The following A4GALT variants were observed in gnomAD, a reference collection of about 807,000 sequenced individuals.
The protein encoded by A4GALT is alpha 1,4-galactosyltransferase (P1PK blood group).
For synonymous variants in A4GALT, 257 were observed against 220.7 expected (o/e 1.16, Z -1.46); for missense variants, 512 against 486.0 (o/e 1.05, Z -0.50).
In A4GALT at chr22:42,693,749, G is replaced by A. The variant is rs138624393; in HGVS notation, c.203C>T (p.Thr68Ile). The change falls in exon 3 of 3, where the codon ACC (threonine) becomes ATC (isoleucine). Residue 68 changes from threonine to isoleucine, a missense_variant. By Grantham distance (89) the Thr-to-Ile change is moderately conservative (BLOSUM62 -1). Coordinates refer to ENST00000642412, the MANE Select transcript of A4GALT (RefSeq NM_017436.7). The part of the protein sequence containing the change: ...EIPCPTLTPP[T>I]PPSHGPTPGN... The stretch of plus-strand genomic sequence containing the variant: ...TGGAGTGGGGCCGTGGGAGGGTGGG[G>A]TGGGGGGTGTCAAGGTGGGGCAGGG... 161 of 1,607,204 alleles carry A rather than the reference G, an allele frequency of 1.0e-4. 1 individual carries two copies. In the South Asian group the frequency reaches 1.3e-3, roughly 13 times the overall value.
Position 42,693,554 on chromosome 22 carries a change from A to G in A4GALT, c.398T>C (p.Leu133Pro). The G allele has an allele frequency of 3.7e-6, 6 of 1,613,578 alleles. No individual in the cohort carries two copies. The highest frequency in any genetic ancestry group is 5.1e-6 in the Non-Finnish European group (6 of 1,180,022). ...CATCTGGACATTCGGGAAGCAGCTCAGAAGTGAGATGCCCAGGTGCCGGGG... is the reference window on the plus strand; with the variant it reads ...CATCTGGACATTCGGGAAGCAGCTCGGAAGTGAGATGCCCAGGTGCCGGGG... ...SLPRHLGISL[L>P]SCFPNVQMLP... Residue 133 changes from leucine (L) to proline (P), a missense_variant, in exon 3 of 3, where the codon CTG (leucine) becomes CCG (proline). By Grantham distance (98) the Leu-to-Pro change is moderately conservative (BLOSUM62 -3). Coordinates refer to ENST00000642412, the MANE Select transcript of A4GALT (RefSeq NM_017436.7).
At chr22:42,700,128 C>T (rs1931201475) in intron 1 of A4GALT, among the ~76,000 whole-genome samples, 1 of 152,190 alleles carries the variant, frequency 6.6e-6, no homozygotes, top group African/African-American at 2.4e-5. Flanking sequence ...CTCCAGGGCT[C>T]AATGGTGGGA....
intron 1 of A4GALT, among the ~76,000 whole-genome samples, chr22:42,704,505 A>G (rs1920958838): frequency 6.6e-6 from 1 of 151,708 alleles, no homozygotes; most frequent in Admixed American, 6.6e-5. Context: ...AAAAAAAATA[A>G]TAAAAAAAAT....
intron 1 of A4GALT, among the ~76,000 whole-genome samples, chr22:42,705,598 CAAA>C (rs68144596): frequency 2.8e-5 from 2 of 72,122 alleles, no homozygotes; most frequent in Admixed American, 1.5e-4. Flanking sequence ...GATTCTGTCT[CAAA>C]AAAAAAAAAA....
chr22:42,698,313 C>T (rs1931078603), intron 1 of A4GALT, among the ~76,000 whole-genome samples: 1 of 152,080 alleles, frequency 6.6e-6, no homozygotes. Flanking sequence ...CTGGGTCAGA[C>T]CCCTACCAGC....
At chr22:42,700,781 C>T (rs538013566) in intron 1 of A4GALT, among the ~76,000 whole-genome samples, 7 of 152,218 alleles carry the variant, frequency 4.6e-5, no homozygotes, top group South Asian at 2.1e-4. Context: ...ATCTCCAGGG[C>T]CCAGCCCACG....
intron 1 of A4GALT, among the ~76,000 whole-genome samples, chr22:42,696,054 C>T (rs567287950): frequency 2.1e-5 from 3 of 139,746 alleles, no homozygotes; most frequent in Non-Finnish European, 3.0e-5. Context: ...ACCAGGGAGG[C>T]GGAGGTTGCA....
intron 2 of A4GALT, chr22:42,694,429 G>A (rs1930771922): frequency 1.0e-5 from 2 of 193,582 alleles, no homozygotes; most frequent in Admixed American, 5.3e-5. Context: ...CCAGGCCTGG[G>A]GTTCGTCTAA....
At chr22:42,715,840 TG>T (rs370188713) in intron 1 of A4GALT, among the ~76,000 whole-genome samples, 831 of 23,182 alleles carry the variant, frequency 0.036, 11 homozygotes, top group East Asian at 0.19. Flanking sequence ...TCTTTTTTTT[TG>T]TTTTTTTTGA....
At chr22:42,711,797 C>G (rs1921720174) in intron 1 of A4GALT, among the ~76,000 whole-genome samples, 1 of 152,030 alleles carries the variant, frequency 6.6e-6, no homozygotes, top group Non-Finnish European at 1.5e-5. Context: ...CCACGCCTGG[C>G]TAATTTTTGT....
In A4GALT at chr22:42,693,176, T is replaced by C. The variant is rs2146948555; in HGVS notation, c.776A>G (p.Lys259Arg). Residue 259 changes from lysine (K) to arginine (R), a missense_variant, in exon 3 of 3, where the codon AAG becomes AGG. Transcript: ENST00000642412. ...QGPQLLTRVF[K>R]KWCSIRSLAE... Reference sequence around the variant, plus strand: ...CAGGCTGCGGATGGAACACCACTTCTTGAAGACCCGCGTGAGCAGCTGCGG... The same window carrying C: ...CAGGCTGCGGATGGAACACCACTTCCTGAAGACCCGCGTGAGCAGCTGCGG... 1.3e-6 allele frequency: 2 copies of C among 1,597,896 alleles called. No homozygotes were observed. Among genetic ancestry groups the C allele is most frequent in the Non-Finnish European group, 1.7e-6 (2 of 1,173,346 alleles).
At position 42,719,525 on chromosome 22, in the gene A4GALT, G is replaced by A. The variant is rs570989132; in HGVS notation, c.-188+1272C>T. 2.8e-4 allele frequency among the ~76,000 whole-genome samples: 42 copies of A among 152,080 alleles called. 5 individuals are homozygous for A. The South Asian group carries it at 8.5e-3, about 31-fold the overall frequency. ...CTTCCTTTCTTTTCCTTTCTATTTT[G>A]TTTTCCTTTGTATTCCTTTGATTTG... On this transcript the variant is annotated intron_variant, in intron 1 of 2. Transcript: ENST00000642412.
At chr22:42,709,921 G>GA (rs1377160225) in intron 1 of A4GALT, among the ~76,000 whole-genome samples, 1 of 152,160 alleles carries the variant, frequency 6.6e-6, no homozygotes, top group Non-Finnish European at 1.5e-5. Context: ...GATCTAAGCA[G>GA]AAAAATCATC....
chr22:42,715,296 AAGATAGG>A (rs1163359662), intron 1 of A4GALT, among the ~76,000 whole-genome samples: 1 of 152,078 alleles, frequency 6.6e-6, no homozygotes, highest in Non-Finnish European at 1.5e-5. Flanking sequence ...AAATGTGGTC[AAGATAGG>A]AAATGTTTTG....
At chr22:42,699,276 G>A (rs186205012) in intron 1 of A4GALT, among the ~76,000 whole-genome samples, 22 of 152,056 alleles carry the variant, frequency 1.4e-4, no homozygotes, top group Non-Finnish European at 2.6e-4. Context: ...GTAGAGATTT[G>A]GTTTCACCAA....
intron 1 of A4GALT, among the ~76,000 whole-genome samples, chr22:42,710,759 C>T (rs11704086): frequency 4.9e-4 from 74 of 151,844 alleles, no homozygotes; most frequent in African/African-American, 1.7e-3. Flanking sequence ...TTGTGGCTGA[C>T]GCCTATAATC....
At chr22:42,703,128 G>GTGTGTT (rs1555887027) in intron 1 of A4GALT, among the ~76,000 whole-genome samples, 4 of 151,728 alleles carry the variant, frequency 2.6e-5, no homozygotes, top group Non-Finnish European at 5.9e-5. Context: ...GTGTGTGTGT[G>GTGTGTT]TGTGTGTGTG....
rs1930715193 is a variant in A4GALT, at chr22:42,693,879, T to G, written c.73A>C (p.Ile25Leu). ...AAAAACGTGAACTTGAAGCCGATGA[T>G]GAACAGGGTGCAGACCCGCTGCCTT... ...APRQRVCTLF[I>L]IGFKFTFFVS... is the part of the protein sequence containing the mutation. The change falls in exon 3 of 3, where the codon ATC becomes CTC. Residue 25 changes from isoleucine (I) to leucine (L), a missense_variant. By Grantham distance (5) the Ile-to-Leu change is conservative. Coordinates refer to ENST00000642412, the MANE Select transcript of A4GALT (RefSeq NM_017436.7). The G allele has an allele frequency of 6.2e-7, 1 of 1,610,440 alleles. No homozygotes were observed. Among genetic ancestry groups the G allele is most frequent in the Non-Finnish European group, 8.5e-7 (1 of 1,178,966 alleles).
chr22:42,700,483 G>A (rs898598515), intron 1 of A4GALT, among the ~76,000 whole-genome samples: 4 of 152,208 alleles, frequency 2.6e-5, no homozygotes, highest in African/African-American at 9.7e-5. Context: ...TGGCCAAGGT[G>A]GGGCGCATCA....
Sources: allele counts gnomAD v4.1 joint callset (sites outside exome capture counted in the v4.1 genomes callset), GRCh38; gene constraint gnomAD v4.1.1; transcripts MANE v1.5; gene names NCBI Gene and HGNC (gene_info 2026-07-23, HGNC 2026-07-21).